The following CLVS1 variants were observed in gnomAD, a reference collection of about 807,000 sequenced individuals.
CLVS1 encodes clavesin 1.
In CLVS1, 10 loss-of-function variants were observed where a neutral mutation model predicts 33.1. The ratio of observed to expected loss-of-function variants is 0.30; its 90% CI spans 0.19 to 0.51. CLVS1 has a LOEUF of 0.51. Ranked by LOEUF, CLVS1 falls within the 20% of genes least tolerant of loss-of-function variation. The pLI, the probability that CLVS1 is intolerant of heterozygous loss-of-function variation, is 0.97. For synonymous variants in CLVS1, 163 were observed against 166.1 expected, an observed-to-expected ratio of 0.98 and a Z score of 0.14; for missense variants, 343 against 433.4, an observed-to-expected ratio of 0.79 and a Z score of 1.85.
chr8:61,353,357 A>G (rs1348289775), intron 2 of CLVS1, among the ~76,000 whole-genome samples: 2 of 152,054 alleles, frequency 1.3e-5, no homozygotes, highest in Non-Finnish European at 2.9e-5. Flanking sequence ...TTGTCTGACC[A>G]TAATGGAATC....
chr8:61,308,716 A>G (rs1810726963), intron 2 of CLVS1, among the ~76,000 whole-genome samples: 1 of 152,130 alleles, frequency 6.6e-6, no homozygotes, highest in Non-Finnish European at 1.5e-5. Flanking sequence ...ATCAGCATCA[A>G]TAACTACCAG....
chr8:61,074,379 TATATGTG>T (rs374687436), intron 1 of CLVS1, among the ~76,000 whole-genome samples: 51,990 of 125,598 alleles, frequency 0.41, 14,519 homozygotes, highest in African/African-American at 0.75. Flanking sequence ...TATATATAAG[TATATGTG>T]TATATATATA....
rs138083271 is a variant in CLVS1 at position 61,213,624 on chromosome 8, C to T, written c.-152+81764C>T. Among the ~76,000 whole-genome samples, 1,301 of 152,134 alleles carry T rather than the reference C, an allele frequency of 8.6e-3. 11 individuals are homozygous for T. Among genetic ancestry groups the T allele is most frequent in the Non-Finnish European group, 0.012 (844 of 68,004 alleles). On this transcript the variant is annotated intron_variant, in intron 2 of 2. Coordinates refer to the CLVS1 transcript ENST00000522621. ...ACACTTATCACTTCCCCAATCAATA[C>T]CCTTGTGATTTCCTACACCCGTCTT...
intron 2 of CLVS1, among the ~76,000 whole-genome samples, chr8:61,160,677 CT>C (rs984854527): frequency 5.9e-5 from 9 of 151,936 alleles, no homozygotes; most frequent in Non-Finnish European, 1.2e-4. Flanking sequence ...AAATAAATGA[CT>C]TTTTTTGGTG....
chr8:61,224,657 T>C (rs551389599), intron 2 of CLVS1, among the ~76,000 whole-genome samples: 2 of 152,184 alleles, frequency 1.3e-5, no homozygotes, highest in African/African-American at 2.4e-5. Flanking sequence ...TTGGGTGGCA[T>C]AGGGAGCAGG....
intron 2 of CLVS1, among the ~76,000 whole-genome samples, chr8:61,368,449 A>G (rs1053990658): frequency 1.3e-5 from 2 of 152,174 alleles, no homozygotes; most frequent in Admixed American, 6.5e-5. Context: ...TCTCTATACT[A>G]TTTCAAAGTC....
At chr8:61,232,041 T>TTTTTTTTTTTTTTTTTTTTTTTTGTTTTG (rs1554548394) in intron 2 of CLVS1, among the ~76,000 whole-genome samples, 1 of 116,004 alleles carries the variant, frequency 8.6e-6, no homozygotes, top group African/African-American at 4.8e-5. Flanking sequence ...TTTTTTTTTT[T>TTTTTTTTTTTTTTTTTTTTTTTTGTTTTG]TTTTTTTTTG....
chr8:61,260,213 C>T (rs1809171487), intron 2 of CLVS1, among the ~76,000 whole-genome samples: 1 of 152,204 alleles, frequency 6.6e-6, no homozygotes, highest in Non-Finnish European at 1.5e-5. Flanking sequence ...GCCATTCAGT[C>T]CATTCTCTTC....
chr8:61,309,812 T>C (rs1053296650), intron 2 of CLVS1, among the ~76,000 whole-genome samples: 2 of 152,234 alleles, frequency 1.3e-5, no homozygotes, highest in Non-Finnish European at 2.9e-5. Context: ...TTAAGCAGGT[T>C]CCTTCTTCTG....
intron 5 of CLVS1, among the ~76,000 whole-genome samples, chr8:61,497,923 G>A (rs1804324665): frequency 6.6e-6 from 1 of 152,068 alleles, no homozygotes; most frequent in Non-Finnish European, 1.5e-5. Flanking sequence ...GTGCTGGTGG[G>A]AGTGTAGCAG....
intron 1 of CLVS1, among the ~76,000 whole-genome samples, chr8:61,067,962 C>G (rs1360471650): frequency 6.7e-6 from 1 of 150,048 alleles, no homozygotes; most frequent in African/African-American, 2.5e-5. Flanking sequence ...ACATGTACCC[C>G]CTAAATCTAA....
At chr8:61,329,327 T>C (rs1455950121) in intron 2 of CLVS1, among the ~76,000 whole-genome samples, 3 of 152,192 alleles carry the variant, frequency 2.0e-5, no homozygotes, top group African/African-American at 7.2e-5. Flanking sequence ...CTGCTATTTG[T>C]TGATTATTTT....
rs570327669 is a variant in CLVS1, at chr8:61,322,820, T to C, written c.455+22538T>C. 2.0e-5 allele frequency among the ~76,000 whole-genome samples: 3 copies of C among 152,326 alleles called. No individual in the cohort carries two copies. In the East Asian group the frequency reaches 5.8e-4, roughly 29 times the overall value. On this transcript the variant is annotated intron_variant, in intron 2 of 5. Transcript: ENST00000325897. ...GAAAACTGAAGATTTCTGCTCGTTC[T>C]TCCTTTACCTAAAACACTTTTCAAG...
intron 2 of CLVS1, among the ~76,000 whole-genome samples, chr8:61,339,195 C>T (rs1335458978): frequency 6.6e-6 from 1 of 152,052 alleles, no homozygotes; most frequent in Non-Finnish European, 1.5e-5. Flanking sequence ...CCCTCATCCT[C>T]TGTAAGAGGA....
chr8:61,476,712 T>C (rs1234356321), intron 5 of CLVS1, among the ~76,000 whole-genome samples: 4 of 152,044 alleles, frequency 2.6e-5, no homozygotes, highest in African/African-American at 4.8e-5. Flanking sequence ...GACGATGGGG[T>C]TTTCTAGATA....
intron 2 of CLVS1, among the ~76,000 whole-genome samples, chr8:61,171,685 G>T (rs1333819558): frequency 1.3e-5 from 2 of 152,148 alleles, no homozygotes; most frequent in African/African-American, 4.8e-5. Context: ...GATGCTGAGT[G>T]CACAAGGGGA....
intron 2 of CLVS1, among the ~76,000 whole-genome samples, chr8:61,355,865 A>G (rs539458515): frequency 6.6e-6 from 1 of 152,328 alleles, no homozygotes; most frequent in African/African-American, 2.4e-5. Flanking sequence ...ATAGTGCCGC[A>G]ATAAACATAC....
chr8:61,191,930 T>C (rs538029987), intron 2 of CLVS1, among the ~76,000 whole-genome samples: 154 of 152,288 alleles, frequency 1.0e-3, no homozygotes, highest in Middle Eastern at 3.4e-3. Flanking sequence ...AGAATCAATA[T>C]TGTGAAAATG....
chr8:61,042,826 A>T, the CLVS1 span, among the ~76,000 whole-genome samples: 1 of 152,224 alleles, frequency 6.6e-6, no homozygotes, highest in Non-Finnish European at 1.5e-5. Context: ...TAAATTCCAA[A>T]CATGAACCAG....
Sources: gnomAD v4.1 joint callset for allele counts (sites outside exome capture counted in the v4.1 genomes callset) on GRCh38, gnomAD v4.1.1 for gene constraint, MANE v1.5 for transcripts, NCBI Gene and HGNC (gene_info 2026-07-23, HGNC 2026-07-21) for gene names.